Variants in RNF115 observed in about 807,000 individuals in gnomAD.
RNF115 encodes the protein E3 ubiquitin-protein ligase RNF115.
Under a neutral mutation model 39.2 loss-of-function variants are expected in RNF115, and 31 were observed. The observed-to-expected ratio is 0.79, with a 90% CI of 0.59 to 1.07. The LOEUF is 1.07. RNF115 is among the 50% of genes least tolerant of loss of function. The probability of loss-of-function intolerance (pLI) is 0.00; values close to 1 mark genes in which losing one functional copy is unlikely to be tolerated. For missense variants in RNF115, 384 were observed against 381.7 expected (o/e 1.01, Z -0.05); for synonymous variants, 124 against 131.0 (o/e 0.95, Z 0.37).
At chr1:145,756,640 G>GTCAGTGA (rs1390982071) in intron 4 of RNF115, among the ~76,000 whole-genome samples, 1 of 152,082 alleles carries the variant, frequency 6.6e-6, no homozygotes, top group Non-Finnish European at 1.5e-5. Context: ...ACTGATGTGG[G>GTCAGTGA]TGTCAGTAGG....
chr1:145,770,312 ACG>A (rs1647576577), intron 4 of RNF115, among the ~76,000 whole-genome samples: 1 of 152,242 alleles, frequency 6.6e-6, no homozygotes, highest in Non-Finnish European at 1.5e-5. Flanking sequence ...ATATGTAATA[ACG>A]CAAGTATAGT....
intron 1 of RNF115, among the ~76,000 whole-genome samples, chr1:145,795,016 CAAAAAAAAA>C (rs782249648): frequency 1.9e-3 from 147 of 78,300 alleles, no homozygotes; most frequent in African/African-American, 7.6e-3. Context: ...GACTCCATTT[CAAAAAAAAA>C]AAAAAAAAAA....
intron 8 of RNF115, among the ~76,000 whole-genome samples, chr1:145,747,380 A>T (rs782543096): frequency 6.6e-6 from 1 of 152,148 alleles, no homozygotes; most frequent in Admixed American, 6.5e-5. Flanking sequence ...GGCCGAGTGC[A>T]GTGGCTCACA....
rs1559138321 is a variant in RNF115 at position 145,823,919 on chromosome 1, C to G, written c.-46G>C. The G allele has an allele frequency of 3.7e-6, 5 of 1,362,516 alleles. No individual in the cohort carries two copies. Among genetic ancestry groups the G allele is most frequent in the East Asian group, 3.0e-5 (1 of 33,272 alleles). 84.4% of individuals were successfully genotyped at this position (1,362,516 alleles called of 1,614,324 possible). ...GTCCGAGAGGGCAGCCGGCCCGTCC[C>G]TCGCCAGGCCGCTACCTCCCGAGCT... On this transcript the variant is annotated 5_prime_UTR_variant, in exon 1 of 9. Transcript: ENST00000582693.
At chr1:145,779,998 C>T (rs1189643728) in intron 3 of RNF115, among the ~76,000 whole-genome samples, 4 of 151,736 alleles carry the variant, frequency 2.6e-5, no homozygotes, top group Non-Finnish European at 2.9e-5. Context: ...GAGGCCAAGA[C>T]GAGAGGATGA....
chr1:145,816,072 T>TTTTTTTTTG lies in RNF115; in HGVS notation c.102+7699_102+7700insCAAAAAAAA, dbSNP rs1378056436. Among the ~76,000 whole-genome samples, 6 of 42,306 alleles carry TTTTTTTTTG rather than the reference T, an allele frequency of 1.4e-4. No individual in the cohort carries two copies. The East Asian group carries it at 1.9e-3, about 13-fold the overall frequency. The allele number at this position is 42,306 out of a possible 152,430, so 27.8% of individuals were successfully genotyped here. A position where few individuals can be genotyped will look rare whatever the true frequency, so the allele number is the denominator to read the frequency against. On this transcript the variant is annotated intron_variant, in intron 1 of 8. Transcript: ENST00000582693. ...ACCTTTTGTCCTCTTTTTGAATGGT[T>TTTTTTTTTG]TTTTTTTTTTTTGAGATGGAGTCTC...
chr1:145,771,137 C>A (rs1553715682), intron 4 of RNF115, among the ~76,000 whole-genome samples: 1 of 152,156 alleles, frequency 6.6e-6, no homozygotes, highest in Non-Finnish European at 1.5e-5. Flanking sequence ...GAAACTTAAT[C>A]CCCAGTGGAG....
At position 145,746,809 on chromosome 1, in the gene RNF115, A is replaced by G; in HGVS notation, c.*57T>C. 1 of 1,563,610 alleles carries G rather than the reference A, an allele frequency of 6.4e-7. No individual in the cohort carries two copies. Among genetic ancestry groups the G allele is most frequent in the African/African-American group, 1.4e-5 (1 of 73,476 alleles). Reference sequence around the variant, plus strand: ...TCTACTAATTTTTTGTTTTGATACAATTTACAGCTATGGTAAGATGATTAC... The same window carrying G: ...TCTACTAATTTTTTGTTTTGATACAGTTTACAGCTATGGTAAGATGATTAC... On this transcript the variant is annotated 3_prime_UTR_variant, in exon 9 of 9. Transcript: ENST00000582693.
intron 1 of RNF115, among the ~76,000 whole-genome samples, chr1:145,805,417 C>A (rs782540539): frequency 5.3e-5 from 8 of 151,204 alleles, no homozygotes; most frequent in Non-Finnish European, 8.8e-5. Flanking sequence ...ATTATCCAGG[C>A]CAAGTTTACC....
chr1:145,748,941 C>T (rs1008693428), intron 7 of RNF115, among the ~76,000 whole-genome samples: 40 of 151,696 alleles, frequency 2.6e-4, no homozygotes, highest in Non-Finnish European at 2.9e-4. Context: ...ATACCAGAAG[C>T]CATACCAGAA....
intron 2 of RNF115, 92 bp downstream of exon 2, chr1:145,788,816 G>C (rs1648507580): frequency 2.2e-6 from 2 of 930,202 alleles, no homozygotes; most frequent in East Asian, 4.8e-5. Context: ...TAGAGTGTAA[G>C]TTGTAAAACA....
chr1:145,751,343 G>A lies in RNF115; in HGVS notation c.573+95C>T, dbSNP rs1658078671. 7 of 830,498 alleles carry A rather than the reference G, an allele frequency of 8.4e-6. No individual in the cohort carries two copies. In the East Asian group the frequency reaches 1.9e-4, roughly 23 times the overall value. The allele number at this position is 830,498 out of a possible 1,614,324, so 51.4% of individuals were successfully genotyped here. The stretch of plus-strand genomic sequence containing the variant: ...AGCTCAAAATATTAGAGAAAGCAGA[G>A]TGACTGCCATTTCAGAAAGTAGCAG... On this transcript the variant is annotated intron_variant, in intron 6 of 8. Coordinates refer to ENST00000582693, the MANE Select transcript of RNF115 (RefSeq NM_014455.4).
chr1:145,817,123 T>C (rs1418029143), intron 1 of RNF115, among the ~76,000 whole-genome samples: 2 of 32,994 alleles, frequency 6.1e-5, no homozygotes, highest in Non-Finnish European at 1.6e-4. Flanking sequence ...GATTAAATCA[T>C]GGAGTCTTTT....
In RNF115 at chr1:145,794,224, T is replaced by G. The variant is rs587731486; in HGVS notation, c.103-5258A>C. 5.3e-5 allele frequency among the ~76,000 whole-genome samples: 8 copies of G among 152,336 alleles called. No individual in the cohort carries two copies. In the East Asian group the frequency reaches 1.5e-3, roughly 29 times the overall value. ...GAAATCAAAAAAGAACCATCTTTTT[T>G]AAAGCATAAAACAGACCATGTCATT... is the stretch of plus-strand genomic sequence containing the variant. On this transcript the variant is annotated intron_variant, in intron 1 of 8. Transcript: ENST00000582693.
intron 4 of RNF115, among the ~76,000 whole-genome samples, chr1:145,755,179 T>C (rs782369018): frequency 2.0e-4 from 30 of 150,404 alleles, no homozygotes; most frequent in Middle Eastern, 3.4e-3. Flanking sequence ...GAGGAGGAGG[T>C]TGCAGTGAGC....
chr1:145,768,012 G>A (rs1647455035), intron 4 of RNF115, among the ~76,000 whole-genome samples: 1 of 152,196 alleles, frequency 6.6e-6, no homozygotes, highest in African/African-American at 2.4e-5. Context: ...GAGAGGGAGA[G>A]GGAGAGGGAG....
At chr1:145,811,355 CAAAAAAAAAAAA>C (rs71829191) in intron 1 of RNF115, among the ~76,000 whole-genome samples, 3 of 60,456 alleles carry the variant, frequency 5.0e-5, no homozygotes, top group South Asian at 5.9e-4. Context: ...CCATCACTAC[CAAAAAAAAAAAA>C]AAAAAAAAGA....
At chr1:145,766,116 G>GC (rs1647255873) in intron 4 of RNF115, among the ~76,000 whole-genome samples, 1 of 152,090 alleles carries the variant, frequency 6.6e-6, no homozygotes, top group Non-Finnish European at 1.5e-5. Flanking sequence ...AAGGTCTCTG[G>GC]TTTTCCTAGG....
chr1:145,774,183 C>A (rs1248006906), intron 3 of RNF115, among the ~76,000 whole-genome samples: 1 of 152,156 alleles, frequency 6.6e-6, no homozygotes, highest in Non-Finnish European at 1.5e-5. Flanking sequence ...TTTTCGCTGA[C>A]ATCACCCTGT....
Sources: allele counts gnomAD v4.1 joint callset (sites outside exome capture counted in the v4.1 genomes callset), GRCh38; gene constraint gnomAD v4.1.1; transcripts MANE v1.5; gene names NCBI Gene and HGNC (gene_info 2026-07-23, HGNC 2026-07-21).